The following TBX22 variants were observed in gnomAD, a reference collection of about 807,000 sequenced individuals.
TBX22 encodes T-box transcription factor TBX22.
Under a neutral mutation model 30.1 loss-of-function variants are expected in TBX22, and 8 were observed. That is an observed-to-expected ratio of 0.27 (90% CI 0.16 to 0.48). TBX22 has a LOEUF of 0.48. Ranked by LOEUF, TBX22 falls within the 20% of genes least tolerant of loss-of-function variation. The probability of loss-of-function intolerance (pLI) is 0.99; values close to 1 mark genes in which losing one functional copy is unlikely to be tolerated. For missense variants in TBX22, 463 were observed against 400.5 expected, an observed-to-expected ratio of 1.16 and a Z score of -1.33; for synonymous variants, 173 against 149.1, an observed-to-expected ratio of 1.16 and a Z score of -1.17.
In TBX22 at chrX:80,030,888, T is replaced by C; in HGVS notation, c.1340T>C (p.Leu447Ser). Reference protein sequence around the residue: ...PNSTNQMLYGLQSPGNIFLPN... With the variant: ...PNSTNQMLYGSQSPGNIFLPN... ...TCTACCAATCAAATGTTATATGGAT[T>C]ACAGTCACCTGGAAATATTTTTCTG... is the stretch of plus-strand genomic sequence containing the variant. The change falls in exon 9 of 9, where the codon TTA becomes TCA. Residue 447 changes from leucine to serine, a missense_variant. Physicochemically the swap from Leu to Ser is moderately radical, Grantham distance 145. Transcript: ENST00000373296. 1.7e-6 allele frequency: 2 copies of C among 1,211,868 alleles called. No homozygotes were observed. Among genetic ancestry groups the C allele is most frequent in the Non-Finnish European group, 2.2e-6 (2 of 895,366 alleles).
intron 4 of TBX22, among the ~76,000 whole-genome samples, chrX:80,024,427 G>A (rs996101819): frequency 9.0e-6 from 1 of 111,436 alleles, no homozygotes; most frequent in Non-Finnish European, 1.9e-5. Flanking sequence ...AACTCCAAAT[G>A]TACCCCAAGC....
At chrX:80,028,162 G>C in intron 8 of TBX22, 86 bp downstream of exon 8, 1 of 832,381 alleles carries the variant, frequency 1.2e-6, no homozygotes, top group Non-Finnish European at 1.8e-6. Flanking sequence ...ACTACACAAG[G>C]GGATATGTAC....
rs150728857 is a variant in TBX22, at chrX:80,030,817, C to T, written c.1269C>T (p.Ser423=). 205 of 1,209,928 alleles carry T rather than the reference C, an allele frequency of 1.7e-4. No homozygotes were observed. The highest frequency in any genetic ancestry group is 1.1e-3 in the African/African-American group (62 of 57,353). ...CCCTGGGGGTCACCAATTCAAAAAG[C>T]GGTTCATCTGAAGACTCCAGTGATC... The part of the protein sequence containing the change: ...LSSLGVTNSK[S]GSSEDSSDQY... The change falls in exon 9 of 9, where the codon AGC becomes AGT. Residue 423 remains serine, a synonymous_variant. Coordinates refer to ENST00000373296, the MANE Select transcript of TBX22 (RefSeq NM_001109878.2).
At chrX:80,016,271 T>TC (rs977301737) in intron 1 of TBX22, among the ~76,000 whole-genome samples, 1 of 111,810 alleles carries the variant, frequency 8.9e-6, no homozygotes, top group Non-Finnish European at 1.9e-5. Context: ...AGTGAAAAGA[T>TC]TAGCACGAGA....
rs104894945 is a variant in TBX22, at chrX:80,022,435, G to C, written c.166G>C (p.Glu56Gln). Residue 56 changes from glutamate to glutamine, a missense_variant, in exon 2 of 9, where the codon GAG becomes CAG. Physicochemically the swap from Glu to Gln is conservative, Grantham distance 29. Transcript: ENST00000373296. ...AAGGAGCAGCGCTGCAGGGAAGAGC[G>C]AGCCGCTTGGTAAGTACTGCCATTG... is the stretch of plus-strand genomic sequence containing the variant. ...ERRSSAAGKS[E>Q]PLEKQPKTEP... The C allele has an allele frequency of 9.3e-6, 11 of 1,181,665 alleles. No homozygotes were observed. The highest frequency in any genetic ancestry group is 1.2e-5 in the Non-Finnish European group (11 of 881,332).
intron 8 of TBX22, among the ~76,000 whole-genome samples, chrX:80,028,300 A>G (rs937757104): frequency 2.7e-5 from 3 of 112,016 alleles, no homozygotes; most frequent in Non-Finnish European, 5.6e-5. Flanking sequence ...AGACTTATTG[A>G]CATATGTTAA....
intron 3 of TBX22, 70 bp from the exon 4 acceptor site, chrX:80,023,993 G>C: frequency 1.9e-6 from 2 of 1,032,774 alleles, no homozygotes; most frequent in Non-Finnish European, 2.7e-6. Context: ...GTCAGCATTT[G>C]TCCAGAAACA....
chrX:80,025,485 T>G, intron 4 of TBX22, 118 bp from the exon 5 acceptor site: 1 of 590,704 alleles, frequency 1.7e-6, no homozygotes, highest in Non-Finnish European at 2.9e-6. Context: ...AGTTGAGTCT[T>G]CTCCTTACTT....
chrX:80,016,561 G>A (rs1923446529), intron 1 of TBX22, among the ~76,000 whole-genome samples: 2 of 111,835 alleles, frequency 1.8e-5, no homozygotes, highest in Admixed American at 1.9e-4. Context: ...AGTGATCTGA[G>A]CCAGTGATAT....
In TBX22 at chrX:80,027,256, A is replaced by G. The variant is rs759255355; in HGVS notation, c.799A>G (p.Ile267Val). 8 of 1,022,810 alleles carry G rather than the reference A, an allele frequency of 7.8e-6. No individual in the cohort carries two copies. The allele number at this position is 1,022,810 out of a possible 1,213,427, so 84.3% of individuals were successfully genotyped here. ...TTVTAYQNQQ[I>V]TKLKIERNPF... ...CTTTCTCTCTCTATTGAATCCATAG[A>G]TTACGAAACTAAAAATAGAAAGAAA... Residue 267 changes from isoleucine (I) to valine (V), a missense_variant and splice_region_variant, in exon 7 of 9, where the codon ATT becomes GTT. Ile to Val is a conservative substitution (Grantham distance 29). Coordinates refer to ENST00000373296, the MANE Select transcript of TBX22 (RefSeq NM_001109878.2).
intron 8 of TBX22, 109 bp downstream of exon 8, chrX:80,028,185 G>T: frequency 3.0e-6 from 2 of 659,409 alleles, no homozygotes; most frequent in Non-Finnish European, 4.8e-6. Flanking sequence ...GCAAGAAAAT[G>T]TGTACTTATG....
In TBX22 at chrX:80,016,376, A is replaced by C. The variant is rs900271036; in HGVS notation, c.-3+1489A>C. Among the ~76,000 whole-genome samples the C allele has an allele frequency of 6.2e-5, 7 of 112,115 alleles. No individual in the cohort carries two copies. In the East Asian group the frequency reaches 1.7e-3, roughly 27 times the overall value. On this transcript the variant is annotated intron_variant, in intron 1 of 8. Coordinates refer to ENST00000373296, the MANE Select transcript of TBX22 (RefSeq NM_001109878.2). ...GGCTGCCCAAATTAGGCAGAGCCAG[A>C]TGATGACTCACTGATCTGAGAACTG...
Position 80,026,350 on chromosome X carries a change from G to A in TBX22, c.634-354G>A, listed in dbSNP as rs144417087. Among the ~76,000 whole-genome samples the A allele has an allele frequency of 1.9e-3, 217 of 111,733 alleles. 3 individuals are homozygous for A. The East Asian group carries it at 0.044, about 22-fold the overall frequency. On this transcript the variant is annotated intron_variant, in intron 5 of 8. Coordinates refer to ENST00000373296, the MANE Select transcript of TBX22 (RefSeq NM_001109878.2). ...GGGAAGCTCCCAAGATTAGGAGGTA[G>A]GGTATGTCAGGTTACCCACCATATC...
At chrX:80,021,134 A>T (rs1923670340) in intron 1 of TBX22, among the ~76,000 whole-genome samples, 1 of 112,180 alleles carries the variant, frequency 8.9e-6, no homozygotes, top group Admixed American at 9.4e-5. Flanking sequence ...AATATATTCC[A>T]GGAGACACTG....
rs1423305487 is a variant in TBX22, at chrX:80,025,611, A to G, written c.467A>G (p.Tyr156Cys). The part of the protein sequence containing the change: ...PVDSKRYRYV[Y>C]HSSQWMVAGN... ...AGCATGTGTTTTTTCAGGTACGTCTATCACAGCTCACAGTGGATGGTAGCT... is the reference window on the plus strand; with the variant it reads ...AGCATGTGTTTTTTCAGGTACGTCTGTCACAGCTCACAGTGGATGGTAGCT... The change falls in exon 5 of 9, where the codon TAT becomes TGT. Residue 156 changes from tyrosine (Y) to cysteine (C), a missense_variant. By Grantham distance (194) the Tyr-to-Cys change is radical. Transcript: ENST00000373296. 2 of 1,207,015 alleles carry G rather than the reference A, an allele frequency of 1.7e-6. No individual in the cohort carries two copies. Among genetic ancestry groups the G allele is most frequent in the South Asian group, 1.8e-5 (1 of 56,697 alleles).
rs141914734 is a variant in TBX22, at chrX:80,018,674, C to T, written c.-2-3594C>T. 1.5e-3 allele frequency among the ~76,000 whole-genome samples: 163 copies of T among 112,257 alleles called. 1 individual carries two copies. Among genetic ancestry groups the T allele is most frequent in the African/African-American group, 5.1e-3 (159 of 30,950 alleles). On this transcript the variant is annotated intron_variant, in intron 1 of 8. Transcript: ENST00000373296. Reference sequence around the variant, plus strand: ...CTGTGAGTGCTTACTATGTTCCAGGCTTTGTCCTAAGTGGTTTGCATGTTT... The same window carrying T: ...CTGTGAGTGCTTACTATGTTCCAGGTTTTGTCCTAAGTGGTTTGCATGTTT...
intron 1 of TBX22, among the ~76,000 whole-genome samples, chrX:80,022,060 A>C: frequency 9.0e-6 from 1 of 110,538 alleles, no homozygotes; most frequent in Non-Finnish European, 1.9e-5. Flanking sequence ...ACACACACAC[A>C]CACACACAAT....
At chrX:80,021,416 G>C (rs1184713377) in intron 1 of TBX22, among the ~76,000 whole-genome samples, 1 of 111,452 alleles carries the variant, frequency 9.0e-6, no homozygotes, top group Non-Finnish European at 1.9e-5. Flanking sequence ...TGGCACAACT[G>C]CTGCTCACCT....
At chrX:80,024,678 G>A (rs1037504493) in intron 4 of TBX22, among the ~76,000 whole-genome samples, 2 of 111,937 alleles carry the variant, frequency 1.8e-5, no homozygotes, top group Admixed American at 1.9e-4. Flanking sequence ...CTGTCTTTTC[G>A]TCCATCTTTA....
Sources: allele counts gnomAD v4.1 joint callset (sites outside exome capture counted in the v4.1 genomes callset), GRCh38; gene constraint gnomAD v4.1.1; transcripts MANE v1.5; gene names NCBI Gene and HGNC (gene_info 2026-07-23, HGNC 2026-07-21).